XKR7: variants seen among roughly 807,000 people sequenced by gnomAD.
The protein encoded by XKR7 is XK related 7.
A neutral mutation model predicts 42.2 loss-of-function variants in XKR7; 11 were observed. The observed-to-expected ratio is 0.26, with a 90% CI of 0.16 to 0.43. The LOEUF is 0.43. Ranked by LOEUF, XKR7 falls within the 20% of genes least tolerant of loss-of-function variation. The probability of loss-of-function intolerance (pLI) is 1.00; values close to 1 mark genes in which losing one functional copy is unlikely to be tolerated. For missense variants in XKR7, 710 were observed against 802.2 expected (o/e 0.89, Z 1.39); for synonymous variants, 346 against 366.4 (o/e 0.94, Z 0.64).
Position 31,999,857 on chromosome 20 carries a change from C to G in XKR7, c.*2400C>G, listed in dbSNP as rs1240299351. ...CAGTATCCCAGAATGGCCCATCTGG[C>G]TGCTGCCTTCTAGAGGAAAAGTCCT... is the stretch of plus-strand genomic sequence containing the variant. On this transcript the variant is annotated 3_prime_UTR_variant, in exon 3 of 3. Coordinates refer to ENST00000562532, the MANE Select transcript of XKR7 (RefSeq NM_001011718.2). The G allele has an allele frequency of 6.6e-6, 1 of 152,260 alleles. No homozygotes were observed. Among genetic ancestry groups the G allele is most frequent in the Non-Finnish European group, 1.5e-5 (1 of 68,102 alleles). 9.4% of individuals were successfully genotyped at this position (152,260 alleles called of 1,614,324 possible).
intron 1 of XKR7, among the ~76,000 whole-genome samples, chr20:31,989,378 G>C (rs946901189): frequency 6.6e-6 from 1 of 152,126 alleles, no homozygotes; most frequent in Non-Finnish European, 1.5e-5. Flanking sequence ...CCTGCACGCC[G>C]AGGGGAGAAG....
At position 31,996,904 on chromosome 20, in the gene XKR7, C is replaced by T; in HGVS notation, c.1187C>T (p.Ala396Val). Residue 396 changes from alanine (A) to valine (V), a missense_variant, in exon 3 of 3, where the codon GCC (alanine) becomes GTC (valine). Ala to Val is a moderately conservative substitution (Grantham distance 64, BLOSUM62 0). Transcript: ENST00000562532. ...LYHCIVLLEN[A>V]ALTGFWYSSR... ...CACTGCATCGTCCTGCTGGAGAACGCCGCGCTCACCGGCTTCTGGTACTCC... is the reference window on the plus strand; with the variant it reads ...CACTGCATCGTCCTGCTGGAGAACGTCGCGCTCACCGGCTTCTGGTACTCC... The T allele has an allele frequency of 1.9e-6, 3 of 1,613,918 alleles. No homozygotes were observed. The highest frequency in any genetic ancestry group is 1.1e-5 in the South Asian group (1 of 91,090).
At chr20:31,994,937 T>A (rs960145721) in intron 1 of XKR7, 131 bp from the exon 2 acceptor site, 2 of 1,453,552 alleles carry the variant, frequency 1.4e-6, no homozygotes, top group Non-Finnish European at 1.8e-6. Context: ...GAAATGCCCA[T>A]TTCACAGCTG....
At chr20:31,973,916 C>T (rs577511761) in intron 1 of XKR7, among the ~76,000 whole-genome samples, 4 of 152,090 alleles carry the variant, frequency 2.6e-5, no homozygotes, top group East Asian at 1.9e-4. Context: ...CTGGAGGGGC[C>T]GGGCACAGTG....
At chr20:31,991,937 G>A (rs557806770) in intron 1 of XKR7, among the ~76,000 whole-genome samples, 1 of 152,176 alleles carries the variant, frequency 6.6e-6, no homozygotes, top group East Asian at 1.9e-4. Flanking sequence ...GACCAACATG[G>A]AGAAACCCCG....
Position 31,999,072 on chromosome 20 carries a change from G to A in XKR7, c.*1615G>A, listed in dbSNP as rs2064611725. 6.8e-6 allele frequency: 1 copy of A among 146,872 alleles called. No individual in the cohort carries two copies. Among genetic ancestry groups the A allele is most frequent in the Non-Finnish European group, 1.5e-5 (1 of 67,462 alleles). 9.1% of individuals were successfully genotyped at this position (146,872 alleles called of 1,614,324 possible). On this transcript the variant is annotated 3_prime_UTR_variant, in exon 3 of 3. Transcript: ENST00000562532. ...CACACACTCCCACAGCAACTTAGGT[G>A]TGATTGGTGGGAGAGGACAGCAGCG...
Position 31,996,865 on chromosome 20 carries a change from G to A in XKR7, c.1148G>A (p.Arg383His), listed in dbSNP as rs781185215. ...FNVKEGRSRR[R>H]MTLYHCIVLL... ...GTCAAGGAGGGCCGCAGCCGCCGCC[G>A]CATGACCCTCTACCACTGCATCGTC... Residue 383 changes from arginine (R) to histidine (H), a missense_variant, in exon 3 of 3, where the codon CGC (arginine) becomes CAC (histidine). By Grantham distance (29) the Arg-to-His change is conservative (BLOSUM62 0). This residue lies in a region of XKR7 where 708 missense variants were observed against 786.2 expected (regional missense o/e 0.90). Transcript: ENST00000562532. The A allele has an allele frequency of 1.9e-6, 3 of 1,613,726 alleles. No individual in the cohort carries two copies. The highest frequency in any genetic ancestry group is 2.5e-6 in the Non-Finnish European group (3 of 1,180,006).
rs2064449952 is a variant in XKR7, at chr20:31,968,796, G to T, written c.584+37G>T. 2 of 1,456,546 alleles carry T rather than the reference G, an allele frequency of 1.4e-6. No homozygotes were observed. Among genetic ancestry groups the T allele is most frequent in the South Asian group, 1.4e-5 (1 of 70,768 alleles). The allele number at this position is 1,456,546 out of a possible 1,614,324, so 90.2% of individuals were successfully genotyped here. On this transcript the variant is annotated intron_variant, in intron 1 of 2. Transcript: ENST00000562532. This position sits in a 1 kb window ranked among gnomAD's most constrained non-coding sequence, Gnocchi z 4.5. ...GCAGGTGGAGGGACCTGAGCCCGAGGAGTGGGGGTGGCGAAGGGCTACCTG... is the reference window on the plus strand; with the variant it reads ...GCAGGTGGAGGGACCTGAGCCCGAGTAGTGGGGGTGGCGAAGGGCTACCTG...
chr20:31,994,478 CAAAG>C (rs2064582382), intron 1 of XKR7, among the ~76,000 whole-genome samples: 1 of 152,090 alleles, frequency 6.6e-6, no homozygotes. Context: ...CCTGGGAGGC[CAAAG>C]CAGGATGATC....
At chr20:31,982,414 C>T (rs900692804) in intron 1 of XKR7, among the ~76,000 whole-genome samples, 2 of 150,188 alleles carry the variant, frequency 1.3e-5, no homozygotes, top group Admixed American at 6.7e-5. Context: ...CCCAGCTACT[C>T]GGGAGGCTGA....
rs913752501 is a variant in XKR7 at position 32,001,135 on chromosome 20, G to C, written c.*3678G>C. On this transcript the variant is annotated 3_prime_UTR_variant, in exon 3 of 3. Coordinates refer to ENST00000562532, the MANE Select transcript of XKR7 (RefSeq NM_001011718.2). ...GCAGTCAACACCCTCCTAAGTACTC[G>C]AGTTCTGCAGGTTCTTCCCTTGGAA... 1 of 152,190 alleles carries C rather than the reference G, an allele frequency of 6.6e-6. No individual in the cohort carries two copies. The highest frequency in any genetic ancestry group is 1.5e-5 in the Non-Finnish European group (1 of 68,052). The allele number at this position is 152,190 out of a possible 1,614,324, so 9.4% of individuals were successfully genotyped here.
At chr20:31,979,439 A>AT (rs941758038) in intron 1 of XKR7, among the ~76,000 whole-genome samples, 2 of 152,024 alleles carry the variant, frequency 1.3e-5, no homozygotes, top group Non-Finnish European at 2.9e-5. Flanking sequence ...CCAAATTGAG[A>AT]TTTTCCCCTT....
rs192548327 is a variant in XKR7 at position 31,974,838 on chromosome 20, C to T, written c.584+6079C>T. On this transcript the variant is annotated intron_variant, in intron 1 of 2. Coordinates refer to ENST00000562532, the MANE Select transcript of XKR7 (RefSeq NM_001011718.2). ...ACCATCCATGAGGTTCCTCCCTGCT[C>T]TGCCTTTGTAGGGTTGTTCCAGTTT... Among the ~76,000 whole-genome samples the T allele has an allele frequency of 6.2e-3, 941 of 152,290 alleles. 2 individuals are homozygous for T. Among genetic ancestry groups the T allele is most frequent in the Middle Eastern group, 0.024 (7 of 294 alleles).
chr20:31,969,992 C>T (rs961927265), intron 1 of XKR7, among the ~76,000 whole-genome samples: 3 of 152,342 alleles, frequency 2.0e-5, no homozygotes, highest in Non-Finnish European at 4.4e-5. Context: ...CTTGCTGTGT[C>T]ACTCTTGTTG....
intron 1 of XKR7, among the ~76,000 whole-genome samples, chr20:31,973,746 T>C (rs1291398785): frequency 1.3e-5 from 2 of 152,068 alleles, no homozygotes; most frequent in African/African-American, 4.8e-5. Context: ...GGTGGACAGA[T>C]TGGCAGGGGC....
intron 1 of XKR7, among the ~76,000 whole-genome samples, chr20:31,987,497 C>T (rs1314288464): frequency 6.6e-6 from 1 of 150,666 alleles, no homozygotes; most frequent in Non-Finnish European, 1.5e-5. Flanking sequence ...ACCAAGTAGA[C>T]CCAGCATCCA....
Position 31,996,906 on chromosome 20 carries a change from G to A in XKR7, c.1189G>A (p.Ala397Thr), listed in dbSNP as rs375650815. 1.2e-6 allele frequency: 2 copies of A among 1,613,718 alleles called. No homozygotes were observed. Among genetic ancestry groups the A allele is most frequent in the South Asian group, 1.1e-5 (1 of 91,094 alleles). Residue 397 changes from alanine (A) to threonine (T), a missense_variant, in exon 3 of 3, where the codon GCG (alanine) becomes ACG (threonine). By Grantham distance (58) the Ala-to-Thr change is moderately conservative. Transcript: ENST00000562532. ...YHCIVLLENA[A>T]LTGFWYSSRN... is the part of the protein sequence containing the mutation. ...CTGCATCGTCCTGCTGGAGAACGCC[G>A]CGCTCACCGGCTTCTGGTACTCCAG...
intron 1 of XKR7, among the ~76,000 whole-genome samples, chr20:31,972,947 C>T (rs748125416): frequency 3.3e-5 from 5 of 152,154 alleles, no homozygotes; most frequent in Admixed American, 6.5e-5. Flanking sequence ...GTTGAGAGCA[C>T]GGACTCTAGA....
rs963782932 is a variant in XKR7, at chr20:31,980,295, G to A, written c.584+11536G>A. The stretch of plus-strand genomic sequence containing the variant: ...TGACTCATTTGGCTGACAACCCCAG[G>A]AAGGTCCTATTTTGTATTCTTGCAG... On this transcript the variant is annotated intron_variant, in intron 1 of 2. Transcript: ENST00000562532. Among the ~76,000 whole-genome samples, 3 of 152,200 alleles carry A rather than the reference G, an allele frequency of 2.0e-5. No homozygotes were observed. The East Asian group carries it at 5.8e-4, about 29-fold the overall frequency.
Sources: allele counts gnomAD v4.1 joint callset (sites outside exome capture counted in the v4.1 genomes callset), GRCh38; gene constraint gnomAD v4.1.1; regional missense constraint gnomAD v4.1.1; non-coding constraint Gnocchi (gnomAD v3.1); transcripts MANE v1.5; gene names NCBI Gene and HGNC (gene_info 2026-07-23, HGNC 2026-07-21).